The following MAP3K6 variants were observed in gnomAD, a reference collection of about 807,000 sequenced individuals.
The protein encoded by MAP3K6 is apoptosis signal-regulating kinase 2.
MAP3K6 carries 105 observed loss-of-function variants against 147.1 expected under a neutral mutation model. That is an observed-to-expected ratio of 0.71 (90% CI 0.61 to 0.84). MAP3K6 has a LOEUF of 0.84. MAP3K6 is among the 40% of genes least tolerant of loss of function. The pLI is 0.00. For synonymous variants in MAP3K6, 695 were observed against 732.4 expected (o/e 0.95, Z 0.82); for missense variants, 1,569 against 1,715.0 (o/e 0.91, Z 1.50).
Position 27,364,460 on chromosome 1 carries a change from G to C in MAP3K6, c.505-66C>G, listed in dbSNP as rs994296664. The C allele has an allele frequency of 4.4e-6, 7 of 1,582,910 alleles. No homozygotes were observed. The highest frequency in any genetic ancestry group is 1.7e-4 in the Middle Eastern group (1 of 5,962). ...GCACAGGGCTAGACAAGGGGAGTGA[G>C]AGCATCAAAGGTCAGCATCAGTGGG... On this transcript the variant is annotated intron_variant, in intron 3 of 28. Coordinates refer to ENST00000357582, the MANE Select transcript of MAP3K6 (RefSeq NM_004672.5). The surrounding 1 kb of genome is among the most constrained non-coding windows in gnomAD (Gnocchi z 4.4).
rs772294617 is a variant in MAP3K6 at position 27,364,873 on chromosome 1, G to A, written c.380C>T (p.Pro127Leu). 2 of 1,607,838 alleles carry A rather than the reference G, an allele frequency of 1.2e-6. No homozygotes were observed. Among genetic ancestry groups the A allele is most frequent in the Non-Finnish European group, 8.5e-7 (1 of 1,175,298 alleles). Residue 127 changes from proline (P) to leucine (L), a missense_variant, in exon 2 of 29, where the codon CCC becomes CTC. Physicochemically the swap from Pro to Leu is moderately conservative, Grantham distance 98. Transcript: ENST00000357582. This position sits in a 1 kb window ranked among gnomAD's most constrained non-coding sequence, Gnocchi z 4.4. ...VLEVSSSLVQ[P>L]SLFYHLGVRE... ...CACACCAAGGTGGTAGAACAGGGAG[G>A]GCTGTACCAGCGAGCTGCTCACCTC...
Position 27,359,612 on chromosome 1 carries a change from G to A in MAP3K6, c.2320-90C>T. 6.4e-7 allele frequency: 1 copy of A among 1,555,382 alleles called. No homozygotes were observed. The highest frequency in any genetic ancestry group is 8.8e-7 in the Non-Finnish European group (1 of 1,142,684). On this transcript the variant is annotated intron_variant, in intron 17 of 28. Coordinates refer to ENST00000357582, the MANE Select transcript of MAP3K6 (RefSeq NM_004672.5). The surrounding 1 kb of genome is among the most constrained non-coding windows in gnomAD (Gnocchi z 4.4). Reference sequence around the variant, plus strand: ...GGGATCCCATCTCCTGGAGATCCCAGCCTGGTCCTGCCTCTGTCAACACTC... The same window carrying A: ...GGGATCCCATCTCCTGGAGATCCCAACCTGGTCCTGCCTCTGTCAACACTC...
chr1:27,360,146 T>C lies in MAP3K6; in HGVS notation c.2182+95A>G. ...TCTAGGCTACACCACCCACACGCACTAGGGTGCATTTCCCCCTAGGGCTCT... is the reference window on the plus strand; with the variant it reads ...TCTAGGCTACACCACCCACACGCACCAGGGTGCATTTCCCCCTAGGGCTCT... On this transcript the variant is annotated intron_variant, in intron 16 of 28. Transcript: ENST00000357582. This position sits in a 1 kb window ranked among gnomAD's most constrained non-coding sequence, Gnocchi z 4.5. 6.3e-7 allele frequency: 1 copy of C among 1,582,410 alleles called. No homozygotes were observed.
chr1:27,355,940 A>G, intron 27 of MAP3K6, 86 bp downstream of exon 27: 1 of 1,286,556 alleles, frequency 7.8e-7, no homozygotes, highest in Non-Finnish European at 1.1e-6. Context: ...TCTGCATCAG[A>G]GGGCACAGTA....
In MAP3K6 at chr1:27,355,702, G is replaced by T; in HGVS notation, c.3755C>A (p.Ala1252Asp). The T allele has an allele frequency of 6.2e-7, 1 of 1,612,564 alleles. No homozygotes were observed. Among genetic ancestry groups the T allele is most frequent in the Non-Finnish European group, 8.5e-7 (1 of 1,179,488 alleles). Residue 1252 changes from alanine to aspartate, a missense_variant, in exon 28 of 29, where the codon GCC (alanine) becomes GAC (aspartate). Transcript: ENST00000357582. ...SFTLHTLLTYATRDDLIYTRI... is the reference protein window; with the variant it reads ...SFTLHTLLTYDTRDDLIYTRI... ...GGTGTAGATGAGGTCATCTCGAGTGGCATAGGTGAGCAGAGTGTGGAGGGT... is the reference window on the plus strand; with the variant it reads ...GGTGTAGATGAGGTCATCTCGAGTGTCATAGGTGAGCAGAGTGTGGAGGGT...
rs573092022 is a variant in MAP3K6 at position 27,362,409 on chromosome 1, G to A, written c.1256-159C>T. On this transcript the variant is annotated intron_variant, in intron 8 of 28. Transcript: ENST00000357582. ...AACAGGAGCTCAGGCACAGGTATAT[G>A]TGGAATTCAGGATGTAATGGACACG... Among the ~76,000 whole-genome samples the A allele has an allele frequency of 1.4e-4, 22 of 152,316 alleles. No homozygotes were observed. The South Asian group carries it at 4.4e-3, about 30-fold the overall frequency.
At chr1:27,355,969 C>T in intron 27 of MAP3K6, 57 bp downstream of exon 27, 1 of 1,514,766 alleles carries the variant, frequency 6.6e-7, no homozygotes, top group Non-Finnish European at 9.2e-7. Flanking sequence ...GGAAGATGGA[C>T]AGAGATGGAG....
chr1:27,356,701 T>A lies in MAP3K6; in HGVS notation c.3413A>T (p.Glu1138Val). ...VSPRSEELSN[E>V]GDSQQSPGQQ... The stretch of plus-strand genomic sequence containing the variant: ...GCCTGGGCTCTGCTGGGAGTCCCCT[T>A]CATTACTCAGCTCCTCTGACCTCGG... Residue 1138 changes from glutamate to valine, a missense_variant, in exon 25 of 29, where the codon GAA (glutamate) becomes GTA (valine). Coordinates refer to ENST00000357582, the MANE Select transcript of MAP3K6 (RefSeq NM_004672.5). 1 of 1,605,538 alleles carries A rather than the reference T, an allele frequency of 6.2e-7. No individual in the cohort carries two copies. The highest frequency in any genetic ancestry group is 2.2e-5 in the East Asian group (1 of 44,792).
chr1:27,366,176 C>T lies in MAP3K6; in HGVS notation c.340+82G>A. On this transcript the variant is annotated intron_variant, in intron 1 of 28. Transcript: ENST00000357582. This position sits in a 1 kb window ranked among gnomAD's most constrained non-coding sequence, Gnocchi z 5.5. ...GACCCGGTACCCCTCTCGGCCCCTC[C>T]CTTGAGCCTTCGAGCCCGGCTTGGT... 1 of 1,237,908 alleles carries T rather than the reference C, an allele frequency of 8.1e-7. No homozygotes were observed. The highest frequency in any genetic ancestry group is 1.0e-6 in the Non-Finnish European group (1 of 984,564). 76.7% of individuals were successfully genotyped at this position (1,237,908 alleles called of 1,614,324 possible). A position where few individuals can be genotyped will look rare whatever the true frequency, so the allele number is the denominator to read the frequency against.
At chr1:27,362,379 G>T in intron 8 of MAP3K6, 129 bp from the exon 9 acceptor site, 1 of 977,528 alleles carries the variant, frequency 1.0e-6, no homozygotes, top group Non-Finnish European at 1.5e-6. Context: ...AAGATCTCGG[G>T]TGGGAACAGG....
chr1:27,357,286 G>A (rs1286368919), intron 23 of MAP3K6, 114 bp downstream of exon 23: 19 of 1,429,972 alleles, frequency 1.3e-5, no homozygotes, highest in African/African-American at 2.8e-5. Flanking sequence ...CTGCAGGCCT[G>A]ATCTTCACAG....
intron 23 of MAP3K6, 49 bp downstream of exon 23, chr1:27,357,351 A>C: frequency 6.4e-7 from 1 of 1,557,242 alleles, no homozygotes. Flanking sequence ...GGCACGGGGA[A>C]CTCACTACCT....
Position 27,360,277 on chromosome 1 carries a change from C to T in MAP3K6, c.2146G>A (p.Gly716Ser), listed in dbSNP as rs2015698312. The change falls in exon 16 of 29, where the codon GGC becomes AGC. Residue 716 changes from glycine (G) to serine (S), a missense_variant. Transcript: ENST00000357582. This position sits in a 1 kb window ranked among gnomAD's most constrained non-coding sequence, Gnocchi z 4.5. ...VRYLGSASQG[G>S]YLKIFMEEVP... ...TCCTCCATGAAGATCTTAAGGTAGC[C>T]GCCCTGGCTAGCTGAGCCCAGATAG... 6.2e-7 allele frequency: 1 copy of T among 1,614,098 alleles called. No homozygotes were observed. The highest frequency in any genetic ancestry group is 8.5e-7 in the Non-Finnish European group (1 of 1,180,002).
rs1461055238 is a variant in MAP3K6, at chr1:27,364,245, G to C, written c.654C>G (p.Gly218=). The C allele has an allele frequency of 6.2e-7, 1 of 1,613,218 alleles. No individual in the cohort carries two copies. The highest frequency in any genetic ancestry group is 1.7e-5 in the Admixed American group (1 of 60,024). The change falls in exon 4 of 29, where the codon GGC becomes GGG. Residue 218 remains glycine (G), a synonymous_variant. Transcript: ENST00000357582. This position sits in a 1 kb window ranked among gnomAD's most constrained non-coding sequence, Gnocchi z 4.4. ...TGGCCTCCAGCAGGCGGGCAAGCCG[G>C]CCCACCAGGGGAGTGAGCAGGGCCT... ...GTEALLTPLV[G]RLARLLEATP...
Position 27,359,499 on chromosome 1 carries a change from G to A in MAP3K6, c.2343C>T (p.Thr781=), listed in dbSNP as rs1557559422. The change falls in exon 18 of 29, where the codon ACC becomes ACT. Residue 781 remains threonine, a synonymous_variant. Coordinates refer to ENST00000357582, the MANE Select transcript of MAP3K6 (RefSeq NM_004672.5). The surrounding 1 kb of genome is among the most constrained non-coding windows in gnomAD (Gnocchi z 4.4). ...DIKGDNVLIN[T]FSGLLKISDF... ...CAGAAATCTTGAGCAGCCCACTGAA[G>A]GTGTTGATCAGCACATTGTCCCCCT... is the stretch of plus-strand genomic sequence containing the variant. 2.5e-6 allele frequency: 4 copies of A among 1,614,104 alleles called. No homozygotes were observed. Among genetic ancestry groups the A allele is most frequent in the East Asian group, 4.5e-5 (2 of 44,878 alleles).
Position 27,364,331 on chromosome 1 carries a change from C to T in MAP3K6, c.568G>A (p.Gly190Ser). 6.2e-7 allele frequency: 1 copy of T among 1,614,114 alleles called. No individual in the cohort carries two copies. The highest frequency in any genetic ancestry group is 1.1e-5 in the South Asian group (1 of 91,090). The change falls in exon 4 of 29, where the codon GGT becomes AGT. Residue 190 changes from glycine (G) to serine (S), a missense_variant. Gly to Ser is a moderately conservative substitution (Grantham distance 56, BLOSUM62 0). Coordinates refer to ENST00000357582, the MANE Select transcript of MAP3K6 (RefSeq NM_004672.5). This position sits in a 1 kb window ranked among gnomAD's most constrained non-coding sequence, Gnocchi z 4.4. Reference protein sequence around the residue: ...VVTATGRVLCGDAGLLRGLAD... With the variant: ...VVTATGRVLCSDAGLLRGLAD... ...AGGCCCCGCAGAAGGCCTGCATCAC[C>T]ACACAGCACCCGACCAGTGGCCGTC...
Position 27,366,413 on chromosome 1 carries a change from C to G in MAP3K6, c.185G>C (p.Arg62Pro). Residue 62 changes from arginine (R) to proline (P), a missense_variant, in exon 1 of 29, where the codon CGG becomes CCG. By Grantham distance (103) the Arg-to-Pro change is moderately radical. Coordinates refer to ENST00000357582, the MANE Select transcript of MAP3K6 (RefSeq NM_004672.5). This position sits in a 1 kb window ranked among gnomAD's most constrained non-coding sequence, Gnocchi z 5.5. ...TREPQPGLEP[R>P]EGTEAEPLPL... ...CAGCGGCTCCGCCTCGGTTCCCTCCCGAGGCTCGAGCCCGGGCTGCGGCTC... is the reference window on the plus strand; with the variant it reads ...CAGCGGCTCCGCCTCGGTTCCCTCCGGAGGCTCGAGCCCGGGCTGCGGCTC... 2.4e-6 allele frequency: 3 copies of G among 1,226,934 alleles called. No homozygotes were observed. Among genetic ancestry groups the G allele is most frequent in the Non-Finnish European group, 3.0e-6 (3 of 984,302 alleles). The allele number at this position is 1,226,934 out of a possible 1,614,324, so 76.0% of individuals were successfully genotyped here.
chr1:27,365,225 G>A (rs2015934976), intron 1 of MAP3K6, among the ~76,000 whole-genome samples: 1 of 152,202 alleles, frequency 6.6e-6, no homozygotes, highest in South Asian at 2.1e-4. Context: ...GGAGGTGGGA[G>A]TTGCGCAAAC....
chr1:27,361,681 G>A (rs1432250610), intron 10 of MAP3K6, 24 bp downstream of exon 10: 1 of 1,613,892 alleles, frequency 6.2e-7, no homozygotes, highest in Non-Finnish European at 8.5e-7. Context: ...CCTTTCCCGG[G>A]TCCACCACCC....
Sources: allele counts gnomAD v4.1 joint callset (sites outside exome capture counted in the v4.1 genomes callset), GRCh38; gene constraint gnomAD v4.1.1; non-coding constraint Gnocchi (gnomAD v3.1); transcripts MANE v1.5; gene names NCBI Gene and HGNC (gene_info 2026-07-23, HGNC 2026-07-21).